The following SYNPR variants were observed in gnomAD, a reference collection of about 807,000 sequenced individuals.
SYNPR encodes synaptoporin.
Under a neutral mutation model 32.9 loss-of-function variants are expected in SYNPR, and 23 were observed. The ratio of observed to expected loss-of-function variants is 0.70; its 90% CI spans 0.50 to 0.99. The LOEUF (loss-of-function observed/expected upper bound fraction) is 0.99, where lower values mean the gene tolerates loss of function less well. Among genes scored for constraint, SYNPR ranks in the 50% least tolerant of loss-of-function variants. The pLI, the probability that SYNPR is intolerant of heterozygous loss-of-function variation, is 0.00. For synonymous variants in SYNPR, 146 were observed against 135.9 expected (o/e 1.07, Z -0.52); for missense variants, 318 against 349.3 (o/e 0.91, Z 0.71).
chr3:63,237,853 T>C (rs1209079336), intron 1 of SYNPR, among the ~76,000 whole-genome samples: 1 of 152,028 alleles, frequency 6.6e-6, no homozygotes, highest in Non-Finnish European at 1.5e-5. Context: ...TGGTAGGGAT[T>C]TCTCCAGGCC....
chr3:63,393,627 A>G (rs2088173504), intron 2 of SYNPR, among the ~76,000 whole-genome samples: 1 of 150,348 alleles, frequency 6.7e-6, no homozygotes, highest in Non-Finnish European at 1.5e-5. Flanking sequence ...CCTTGTGAGA[A>G]GCTGGGACTG....
At chr3:63,255,949 C>T (rs554058786) in intron 2 of SYNPR, among the ~76,000 whole-genome samples, 43 of 152,344 alleles carry the variant, frequency 2.8e-4, no homozygotes, top group Non-Finnish European at 1.6e-4. Flanking sequence ...GAGGGTCCTA[C>T]GCCCATTGAG....
chr3:63,494,043 G>T (rs1701309224), intron 3 of SYNPR, among the ~76,000 whole-genome samples: 2 of 151,168 alleles, frequency 1.3e-5, no homozygotes, highest in African/African-American at 4.9e-5. Flanking sequence ...TTTTAAATTT[G>T]GGATTACACT....
intron 4 of SYNPR, among the ~76,000 whole-genome samples, chr3:63,583,266 C>A (rs1411573908): frequency 6.6e-6 from 1 of 152,042 alleles, no homozygotes; most frequent in Admixed American, 6.6e-5. Flanking sequence ...TGTTTCACTT[C>A]TTCTGTGGTT....
At chr3:63,334,312 G>A (rs994990292) in intron 2 of SYNPR, among the ~76,000 whole-genome samples, 4 of 152,196 alleles carry the variant, frequency 2.6e-5, no homozygotes, top group Admixed American at 2.6e-4. Context: ...GGTGGCTTTG[G>A]CAAGTGGCCC....
chr3:63,300,331 T>TTCTATCTATCTATCTATCTATCTATCTA lies in SYNPR; in HGVS notation c.84+21613_84+21614insTCTATCTATCTATCTATCTATCTATCTA, dbSNP rs59249020. 4.8e-3 allele frequency among the ~76,000 whole-genome samples: 725 copies of TTCTATCTATCTATCTATCTATCTATCTA among 151,430 alleles called. 4 individuals carry two copies. The Middle Eastern group carries it at 0.056, about 12-fold the overall frequency. On this transcript the variant is annotated intron_variant, in intron 2 of 5. Coordinates refer to ENST00000478300, the MANE Select transcript of SYNPR (RefSeq NM_001130003.2). The stretch of plus-strand genomic sequence containing the variant: ...GTGTGAATTCTAGAACATTCTTTGC[T>TTCTATCTATCTATCTATCTATCTATCTA]TCTATCTATCTATCTATCTATCTAC...
chr3:63,358,428 C>T (rs80178913), intron 2 of SYNPR, among the ~76,000 whole-genome samples: 3,779 of 152,258 alleles, frequency 0.025, 141 homozygotes, highest in African/African-American at 0.085. Flanking sequence ...CTCTGACTTC[C>T]TGCTTCTTCT....
chr3:63,548,161 A>C (rs938918432), intron 3 of SYNPR, among the ~76,000 whole-genome samples: 1 of 152,156 alleles, frequency 6.6e-6, no homozygotes, highest in Non-Finnish European at 1.5e-5. Context: ...AAGTTCAATA[A>C]ATCTTTACTG....
chr3:63,446,992 C>T (rs1700289952), intron 2 of SYNPR, among the ~76,000 whole-genome samples: 1 of 151,998 alleles, frequency 6.6e-6, no homozygotes, highest in South Asian at 2.1e-4. Context: ...TTGGTTAACT[C>T]CTCAATTCTG....
chr3:63,554,523 T>G (rs936262938), intron 3 of SYNPR, among the ~76,000 whole-genome samples: 1 of 152,152 alleles, frequency 6.6e-6, no homozygotes, highest in Non-Finnish European at 1.5e-5. Flanking sequence ...CGGTTATAAG[T>G]GTATGGTTTT....
intron 4 of SYNPR, among the ~76,000 whole-genome samples, chr3:63,568,683 A>G (rs894279926): frequency 1.1e-4 from 16 of 152,322 alleles, no homozygotes; most frequent in African/African-American, 3.8e-4. Context: ...GTCTATTTAA[A>G]GAATAAAGCT....
intron 2 of SYNPR, among the ~76,000 whole-genome samples, chr3:63,283,616 G>C (rs946946011): frequency 7.3e-6 from 1 of 136,476 alleles, no homozygotes; most frequent in Non-Finnish European, 1.5e-5. Context: ...GTCTTCCACA[G>C]ATAATTCTTT....
At chr3:63,602,623 T>C (rs1171009407) in intron 4 of SYNPR, among the ~76,000 whole-genome samples, 1 of 152,204 alleles carries the variant, frequency 6.6e-6, no homozygotes, top group African/African-American at 2.4e-5. Flanking sequence ...CATTCCTTGC[T>C]TTTCACAATT....
At chr3:63,466,722 C>T (rs1166051988) in intron 2 of SYNPR, among the ~76,000 whole-genome samples, 3 of 134,090 alleles carry the variant, frequency 2.2e-5, no homozygotes, top group African/African-American at 3.7e-5. Flanking sequence ...GTGCTAAGGC[C>T]TCTTCTCTCA....
intron 3 of SYNPR, among the ~76,000 whole-genome samples, chr3:63,520,727 C>A (rs78675092): frequency 0.011 from 1,692 of 151,628 alleles, 39 homozygotes; most frequent in African/African-American, 0.039. Context: ...ATTTAACAGG[C>A]AGAAAGGGAG....
In SYNPR at chr3:63,330,876, G is replaced by C. The variant is rs2087221065; in HGVS notation, c.84+52134G>C. On this transcript the variant is annotated intron_variant, in intron 2 of 5. Transcript: ENST00000478300. ...GCTCTTGATGATCCACCTCATTATA[G>C]AATCGTGTAATGAATAGCCCCATTA... is the stretch of plus-strand genomic sequence containing the variant. Among the ~76,000 whole-genome samples the C allele has an allele frequency of 2.0e-5, 3 of 152,214 alleles. No homozygotes were observed. In the South Asian group the frequency reaches 6.2e-4, roughly 32 times the overall value.
At chr3:63,280,151 C>G (rs4688385) in intron 2 of SYNPR, among the ~76,000 whole-genome samples, 36,923 of 152,116 alleles carry the variant, frequency 0.24, 4,725 homozygotes, top group South Asian at 0.38. Flanking sequence ...CTGACATAAT[C>G]TCTTATTGTC....
chr3:63,397,955 A>G (rs2088238743), intron 2 of SYNPR, among the ~76,000 whole-genome samples: 1 of 152,228 alleles, frequency 6.6e-6, no homozygotes, highest in Non-Finnish European at 1.5e-5. Flanking sequence ...TATATGTAAA[A>G]TACTCACGAT....
the SYNPR span, among the ~76,000 whole-genome samples, chr3:63,209,096 T>G: frequency 2.0e-5 from 3 of 152,116 alleles, no homozygotes; most frequent in African/African-American, 7.2e-5. Flanking sequence ...TCTGGAAATA[T>G]AGGCATCCTT....
Sources: allele counts gnomAD v4.1 joint callset (sites outside exome capture counted in the v4.1 genomes callset), GRCh38; gene constraint gnomAD v4.1.1; transcripts MANE v1.5; gene names NCBI Gene and HGNC (gene_info 2026-07-23, HGNC 2026-07-21).